BRIP1: variants seen among roughly 807,000 people sequenced by gnomAD.
The protein encoded by BRIP1 is BRCA1 interacting DNA helicase 1.
A neutral mutation model predicts 119.7 loss-of-function variants in BRIP1; 88 were observed. The observed-to-expected ratio is 0.74, with a 90% CI of 0.62 to 0.88. The LOEUF is 0.88. BRIP1 is among the 40% of genes least tolerant of loss of function. BRIP1 has a pLI of 0.00. For synonymous variants in BRIP1, 443 were observed against 496.5 expected (o/e 0.89, Z 1.43); for missense variants, 1,259 against 1,455.4 (o/e 0.87, Z 2.20).
At position 61,805,534 on chromosome 17, in the gene BRIP1, T is replaced by C. The variant is rs552674406; in HGVS notation, c.918+2933A>G. Among the ~76,000 whole-genome samples, 1 of 152,300 alleles carries C rather than the reference T, an allele frequency of 6.6e-6. No individual in the cohort carries two copies. Among genetic ancestry groups the C allele is most frequent in the East Asian group, 1.9e-4 (1 of 5,184 alleles). On this transcript the variant is annotated intron_variant, in intron 7 of 19. Coordinates refer to ENST00000259008, the MANE Select transcript of BRIP1 (RefSeq NM_032043.3). The surrounding 1 kb of genome is among the most constrained non-coding windows in gnomAD (Gnocchi z 5.6). ...GGATGAGGAATCAGAAAATTTGGGT[T>C]CTGGTCCCTCCTTGCTAATTACTTG...
At position 61,798,981 on chromosome 17, in the gene BRIP1, A is replaced by C; in HGVS notation, c.1340+119T>G. The C allele has an allele frequency of 1.1e-6, 1 of 923,958 alleles. No individual in the cohort carries two copies. 57.2% of individuals were successfully genotyped at this position (923,958 alleles called of 1,614,324 possible). ...TTTTAAAGCTTAACTGGCAAGGAACAATTCATTTCCCAAGAAGCCTAGTTA... is the reference window on the plus strand; with the variant it reads ...TTTTAAAGCTTAACTGGCAAGGAACCATTCATTTCCCAAGAAGCCTAGTTA... On this transcript the variant is annotated intron_variant, in intron 9 of 19. Coordinates refer to ENST00000259008, the MANE Select transcript of BRIP1 (RefSeq NM_032043.3). The surrounding 1 kb of genome is among the most constrained non-coding windows in gnomAD (Gnocchi z 5.5).
rs1351164213 is a variant in BRIP1 at position 61,769,769 on chromosome 17, A to G, written c.2097+6632T>C. On this transcript the variant is annotated intron_variant, in intron 14 of 19. Transcript: ENST00000259008. The surrounding 1 kb of genome is among the most constrained non-coding windows in gnomAD (Gnocchi z 4.9). ...AATCTGGAGAGACAGGTAAATACAG[A>G]GAATCAAGATATGCTTACTGGGACA... Among the ~76,000 whole-genome samples the G allele has an allele frequency of 6.6e-6, 1 of 152,246 alleles. No individual in the cohort carries two copies. Among genetic ancestry groups the G allele is most frequent in the Non-Finnish European group, 1.5e-5 (1 of 68,050 alleles).
In BRIP1 at chr17:61,861,367, T is replaced by A. The variant is rs879728344; in HGVS notation, c.93+80A>T. On this transcript the variant is annotated intron_variant, in intron 2 of 19. Coordinates refer to ENST00000259008, the MANE Select transcript of BRIP1 (RefSeq NM_032043.3). The surrounding 1 kb of genome is among the most constrained non-coding windows in gnomAD (Gnocchi z 4.5). ...ATTCTCCATTTACTGAGAATATGAATGCAGTCAAATACTCAATGTACTTTA... is the reference window on the plus strand; with the variant it reads ...ATTCTCCATTTACTGAGAATATGAAAGCAGTCAAATACTCAATGTACTTTA... 8 of 914,980 alleles carry A rather than the reference T, an allele frequency of 8.7e-6. No individual in the cohort carries two copies. The highest frequency in any genetic ancestry group is 1.6e-5 in the African/African-American group (1 of 60,982). 56.7% of individuals were successfully genotyped at this position (914,980 alleles called of 1,614,324 possible).
At chr17:61,766,734 GA>G (rs1323961374) in intron 14 of BRIP1, among the ~76,000 whole-genome samples, 1 of 152,008 alleles carries the variant, frequency 6.6e-6, no homozygotes, top group Non-Finnish European at 1.5e-5. Flanking sequence ...TGCCCTCAGG[GA>G]AAATGGTTTA....
Position 61,681,590 on chromosome 17 carries a change from GT to G in BRIP1, c.*1705del. 1 of 202,366 alleles carries G rather than the reference GT, an allele frequency of 4.9e-6. No individual in the cohort carries two copies. The highest frequency in any genetic ancestry group is 1.0e-5 in the Non-Finnish European group (1 of 98,292). The allele number at this position is 202,366 out of a possible 1,614,324, so 12.5% of individuals were successfully genotyped here. On this transcript the variant is annotated 3_prime_UTR_variant, in exon 20 of 20. Transcript: ENST00000259008. The surrounding 1 kb of genome is among the most constrained non-coding windows in gnomAD (Gnocchi z 5.1). ...AGAATAATACCAGAGGAGATAAATTGTTTCACCCTTTCAAAACAATGTAAAA... is the reference window on the plus strand; with the variant it reads ...AGAATAATACCAGAGGAGATAAATTGTTCACCCTTTCAAAACAATGTAAAA...
At position 61,804,336 on chromosome 17, in the gene BRIP1, T is replaced by C. The variant is rs2078039585; in HGVS notation, c.919-2862A>G. On this transcript the variant is annotated intron_variant, in intron 7 of 19. Coordinates refer to ENST00000259008, the MANE Select transcript of BRIP1 (RefSeq NM_032043.3). The surrounding 1 kb of genome is among the most constrained non-coding windows in gnomAD (Gnocchi z 4.5). The stretch of plus-strand genomic sequence containing the variant: ...ATTTATTTTTCCTAGTTTGCTATCC[T>C]TAACAAAAAACAACCATACATAAAA... Among the ~76,000 whole-genome samples the C allele has an allele frequency of 6.6e-6, 1 of 151,894 alleles. No homozygotes were observed. The highest frequency in any genetic ancestry group is 2.1e-4 in the South Asian group (1 of 4,826).
Position 61,759,378 on chromosome 17 carries a change from A to G in BRIP1, c.2098-14787T>C, listed in dbSNP as rs2077244954. 6.6e-6 allele frequency among the ~76,000 whole-genome samples: 1 copy of G among 152,196 alleles called. No individual in the cohort carries two copies. Among genetic ancestry groups the G allele is most frequent in the African/African-American group, 2.4e-5 (1 of 41,452 alleles). ...GTCAATTCATCAAGAGGATATAACA[A>G]TTGTAAATACACATGCACCTAACAT... On this transcript the variant is annotated intron_variant, in intron 14 of 19. Coordinates refer to ENST00000259008, the MANE Select transcript of BRIP1 (RefSeq NM_032043.3). The surrounding 1 kb of genome is among the most constrained non-coding windows in gnomAD (Gnocchi z 4.9).
In BRIP1 at chr17:61,768,959, T is replaced by C. The variant is rs1168280221; in HGVS notation, c.2097+7442A>G. Among the ~76,000 whole-genome samples the C allele has an allele frequency of 6.6e-6, 1 of 151,158 alleles. No homozygotes were observed. Among genetic ancestry groups the C allele is most frequent in the East Asian group, 1.9e-4 (1 of 5,168 alleles). On this transcript the variant is annotated intron_variant, in intron 14 of 19. Coordinates refer to ENST00000259008, the MANE Select transcript of BRIP1 (RefSeq NM_032043.3). This position sits in a 1 kb window ranked among gnomAD's most constrained non-coding sequence, Gnocchi z 5.0. ...TTTGAAGAAGGAAAAAAAAAAGTAG[T>C]AGTAGTAATAAGCTGCCACGTTGTT... is the stretch of plus-strand genomic sequence containing the variant.
chr17:61,812,138 G>A (rs2078171821), intron 6 of BRIP1, among the ~76,000 whole-genome samples: 1 of 152,008 alleles, frequency 6.6e-6, no homozygotes, highest in African/African-American at 2.4e-5. Context: ...AGTGTCAGGA[G>A]GTCAGAATAT....
Position 61,708,709 on chromosome 17 carries a change from A to G in BRIP1, c.2492+7242T>C, listed in dbSNP as rs2061730268. On this transcript the variant is annotated intron_variant, in intron 17 of 19. Coordinates refer to ENST00000259008, the MANE Select transcript of BRIP1 (RefSeq NM_032043.3). The surrounding 1 kb of genome is among the most constrained non-coding windows in gnomAD (Gnocchi z 4.4). Reference sequence around the variant, plus strand: ...GAAGACTCTGCACTTACTTAAGAGTAAGGCACTAAAACACTGATTGGCAGC... The same window carrying G: ...GAAGACTCTGCACTTACTTAAGAGTGAGGCACTAAAACACTGATTGGCAGC... Among the ~76,000 whole-genome samples, 1 of 152,186 alleles carries G rather than the reference A, an allele frequency of 6.6e-6. No individual in the cohort carries two copies. The highest frequency in any genetic ancestry group is 2.1e-4 in the South Asian group (1 of 4,834).
Position 61,706,944 on chromosome 17 carries a change from T to C in BRIP1, c.2492+9007A>G, listed in dbSNP as rs759007845. 5.3e-5 allele frequency among the ~76,000 whole-genome samples: 8 copies of C among 152,164 alleles called. No homozygotes were observed. The highest frequency in any genetic ancestry group is 8.8e-5 in the Non-Finnish European group (6 of 68,012). ...TGCTGCACTGTTATCATTCCAGAGT[T>C]TTCCTTCCTGGTTGTTTTAGGAATT... On this transcript the variant is annotated intron_variant, in intron 17 of 19. Transcript: ENST00000259008. This position sits in a 1 kb window ranked among gnomAD's most constrained non-coding sequence, Gnocchi z 5.7.
In BRIP1 at chr17:61,687,797, T is replaced by C. The variant is rs2061383086; in HGVS notation, c.2576-1632A>G. Among the ~76,000 whole-genome samples, 1 of 152,192 alleles carries C rather than the reference T, an allele frequency of 6.6e-6. No individual in the cohort carries two copies. The highest frequency in any genetic ancestry group is 2.1e-4 in the South Asian group (1 of 4,830). On this transcript the variant is annotated intron_variant, in intron 18 of 19. Coordinates refer to ENST00000259008, the MANE Select transcript of BRIP1 (RefSeq NM_032043.3). The surrounding 1 kb of genome is among the most constrained non-coding windows in gnomAD (Gnocchi z 5.1). ...GAAAATTTGTGGCACCCTCTTGTCA[T>C]GATCCCCACTTCAGAATATACCTGG...
At position 61,777,475 on chromosome 17, in the gene BRIP1, G is replaced by A. The variant is rs556969064; in HGVS notation, c.1936-913C>T. 2.6e-5 allele frequency among the ~76,000 whole-genome samples: 4 copies of A among 152,162 alleles called. No homozygotes were observed. In the South Asian group the frequency reaches 8.3e-4, roughly 32 times the overall value. ...CAGAGGTTGAGGGCTCAGTCCCCAA[G>A]ACTGCCCCTGATTTCTGTGGCCAGT... On this transcript the variant is annotated intron_variant, in intron 13 of 19. Transcript: ENST00000259008.
At chr17:61,771,354 T>G (rs2378902) in intron 14 of BRIP1, among the ~76,000 whole-genome samples, 29,990 of 152,142 alleles carry the variant, frequency 0.2, 3,767 homozygotes, top group Admixed American at 0.36. Context: ...ATTACACAAC[T>G]TTGTGAATAT....
At chr17:61,813,176 T>C (rs1391836191) in intron 6 of BRIP1, among the ~76,000 whole-genome samples, 1 of 151,476 alleles carries the variant, frequency 6.6e-6, no homozygotes, top group South Asian at 2.1e-4. Flanking sequence ...AAACTAAGTA[T>C]ATAAAGAAGT....
intron 6 of BRIP1, among the ~76,000 whole-genome samples, chr17:61,818,590 T>G: frequency 6.6e-6 from 1 of 152,158 alleles, no homozygotes; most frequent in East Asian, 1.9e-4. Context: ...AAAACTTTGC[T>G]GAGAAATGCA....
chr17:61,837,602 G>A (rs1030899646), intron 6 of BRIP1, among the ~76,000 whole-genome samples: 1 of 152,084 alleles, frequency 6.6e-6, no homozygotes, highest in Non-Finnish European at 1.5e-5. Flanking sequence ...CCTGGCTATT[G>A]TGAGGATTTA....
In BRIP1 at chr17:61,817,000, G is replaced by A. The variant is rs554620406; in HGVS notation, c.628-8243C>T. Among the ~76,000 whole-genome samples, 2 of 152,264 alleles carry A rather than the reference G, an allele frequency of 1.3e-5. No homozygotes were observed. The highest frequency in any genetic ancestry group is 4.8e-5 in the African/African-American group (2 of 41,564). On this transcript the variant is annotated intron_variant, in intron 6 of 19. Transcript: ENST00000259008. The surrounding 1 kb of genome is among the most constrained non-coding windows in gnomAD (Gnocchi z 5.0). ...CAAAGTCTCAAAATATCACCCCACAGATTATTCATTAATTACAAAAGGAAA... is the reference window on the plus strand; with the variant it reads ...CAAAGTCTCAAAATATCACCCCACAAATTATTCATTAATTACAAAAGGAAA...
chr17:61,717,136 A>C lies in BRIP1; in HGVS notation c.2380-1073T>G, dbSNP rs1036574776. 5.9e-5 allele frequency among the ~76,000 whole-genome samples: 9 copies of C among 152,090 alleles called. No individual in the cohort carries two copies. The highest frequency in any genetic ancestry group is 1.2e-4 in the Non-Finnish European group (8 of 67,942). ...CAGAAAAGTTCCAAAGATAGTACAG[A>C]GATTCCTTATACCCTTTACCCAATT... is the stretch of plus-strand genomic sequence containing the variant. On this transcript the variant is annotated intron_variant, in intron 16 of 19. Transcript: ENST00000259008. This position sits in a 1 kb window ranked among gnomAD's most constrained non-coding sequence, Gnocchi z 4.1.
Sources: allele counts gnomAD v4.1 joint callset (sites outside exome capture counted in the v4.1 genomes callset), GRCh38; gene constraint gnomAD v4.1.1; non-coding constraint Gnocchi (gnomAD v3.1); transcripts MANE v1.5; gene names NCBI Gene and HGNC (gene_info 2026-07-23, HGNC 2026-07-21).